Variants in PARD3B observed in about 807,000 individuals in gnomAD.
PARD3B encodes the protein par-3 family cell polarity regulator beta, also known as partitioning defective 3 homolog B.
Under a neutral mutation model 130.2 loss-of-function variants are expected in PARD3B, and 103 were observed. The ratio of observed to expected loss-of-function variants is 0.79; its 90% CI spans 0.67 to 0.93. The LOEUF is 0.93. Ranked by LOEUF, PARD3B falls within the 40% of genes least tolerant of loss-of-function variation. PARD3B has a pLI of 0.00. For missense variants in PARD3B, 1,609 were observed against 1,499.2 expected (o/e 1.07, Z -1.21); for synonymous variants, 583 against 553.2 (o/e 1.05, Z -0.76).
intron 2 of PARD3B, among the ~76,000 whole-genome samples, chr2:204,852,173 T>TGC (rs111941971): frequency 1.3e-5 from 2 of 149,992 alleles, no homozygotes; most frequent in Non-Finnish European, 3.0e-5. Context: ...TGCCACAAGT[T>TGC]TTTTTTTTTT....
intron 20 of PARD3B, among the ~76,000 whole-genome samples, chr2:205,465,390 G>T (rs1249466958): frequency 6.6e-6 from 1 of 152,134 alleles, no homozygotes; most frequent in Non-Finnish European, 1.5e-5. Flanking sequence ...GGTGAGCCAG[G>T]ATTTGTACGC....
chr2:205,335,628 T>TA (rs2043284654), intron 18 of PARD3B, among the ~76,000 whole-genome samples: 2 of 129,842 alleles, frequency 1.5e-5, no homozygotes, highest in Admixed American at 1.9e-4. Context: ...GATAAAGACA[T>TA]ACACAAGACT....
intron 22 of PARD3B, among the ~76,000 whole-genome samples, chr2:205,555,694 G>T (rs13388092): frequency 2.0e-5 from 3 of 152,130 alleles, no homozygotes; most frequent in Non-Finnish European, 2.9e-5. Context: ...ACTCACCCAC[G>T]TACACAATGG....
At chr2:205,509,643 G>A (rs2050515326) in intron 21 of PARD3B, among the ~76,000 whole-genome samples, 1 of 152,198 alleles carries the variant, frequency 6.6e-6, no homozygotes, top group Admixed American at 6.5e-5. Context: ...AACAGGAGAG[G>A]GGCTAATGGA....
At chr2:205,513,149 C>G (rs540155900) in intron 21 of PARD3B, among the ~76,000 whole-genome samples, 1 of 151,950 alleles carries the variant, frequency 6.6e-6, no homozygotes, top group Non-Finnish European at 1.5e-5. Context: ...AGGAGGAAAT[C>G]GTGCTCTCAC....
intron 2 of PARD3B, among the ~76,000 whole-genome samples, chr2:204,709,444 C>T (rs1314555720): frequency 1.3e-5 from 2 of 152,178 alleles, no homozygotes; most frequent in African/African-American, 4.8e-5. Flanking sequence ...AAGAACCAGC[C>T]TTAAGAACTT....
At chr2:204,614,966 G>A (rs183721436) in intron 1 of PARD3B, among the ~76,000 whole-genome samples, 41 of 152,118 alleles carry the variant, frequency 2.7e-4, no homozygotes, top group Non-Finnish European at 1.0e-4. Flanking sequence ...CCTAATACAC[G>A]CAAATTACTC....
At chr2:205,252,682 G>A (rs1206883078) in intron 16 of PARD3B, among the ~76,000 whole-genome samples, 2 of 152,222 alleles carry the variant, frequency 1.3e-5, no homozygotes, top group African/African-American at 4.8e-5. Flanking sequence ...AAGATACCAA[G>A]TTAAGCCAAG....
Position 205,592,604 on chromosome 2 carries a change from A to G in PARD3B, c.3261-22852A>G, listed in dbSNP as rs962966087. Among the ~76,000 whole-genome samples the G allele has an allele frequency of 1.3e-5, 2 of 152,234 alleles. No individual in the cohort carries two copies. The highest frequency in any genetic ancestry group is 2.9e-5 in the Non-Finnish European group (2 of 68,042). On this transcript the variant is annotated intron_variant, in intron 22 of 22. Coordinates refer to ENST00000406610, the MANE Select transcript of PARD3B (RefSeq NM_001302769.2). The surrounding 1 kb of genome is among the most constrained non-coding windows in gnomAD (Gnocchi z 4.5). ...ATTCCATAGAGGCAGAATGTTTCCC[A>G]TACAACTATAATGCCTGCGTTATAT...
chr2:204,873,482 C>T (rs147120518), intron 2 of PARD3B, among the ~76,000 whole-genome samples: 1 of 152,204 alleles, frequency 6.6e-6, no homozygotes, highest in East Asian at 1.9e-4. Context: ...CACCCATCCG[C>T]AGGACTTTCC....
At chr2:205,472,268 T>TTC (rs1486799206) in intron 20 of PARD3B, among the ~76,000 whole-genome samples, 1 of 152,032 alleles carries the variant, frequency 6.6e-6, no homozygotes, top group Non-Finnish European at 1.5e-5. Context: ...CACTCTCCCT[T>TTC]TCTCTCTCTC....
In PARD3B at chr2:205,475,232, A is replaced by G. The variant is rs1438580210; in HGVS notation, c.3045-24664A>G. On this transcript the variant is annotated intron_variant, in intron 20 of 22. Transcript: ENST00000406610. ...AATAAGAGCCTCACAGTAGATTGTG[A>G]AAGAAATGTCACATCAGAATCTGGA... 2.6e-5 allele frequency among the ~76,000 whole-genome samples: 4 copies of G among 152,158 alleles called. No individual in the cohort carries two copies. The South Asian group carries it at 8.3e-4, about 31-fold the overall frequency.
chr2:204,829,810 T>G (rs922378282), intron 2 of PARD3B, among the ~76,000 whole-genome samples: 18 of 151,854 alleles, frequency 1.2e-4, no homozygotes, highest in Non-Finnish European at 2.5e-4. Flanking sequence ...CCATCCTGGC[T>G]AACACGGTGA....
intron 1 of PARD3B, among the ~76,000 whole-genome samples, chr2:204,671,661 C>A (rs10174664): frequency 0.034 from 5,111 of 152,100 alleles, 276 homozygotes; most frequent in African/African-American, 0.12. Flanking sequence ...TTCTTAATTT[C>A]CTTGTTTGGG....
chr2:205,552,000 G>GAATC (rs1258453909), intron 21 of PARD3B, among the ~76,000 whole-genome samples: 2 of 152,180 alleles, frequency 1.3e-5, no homozygotes, highest in Non-Finnish European at 2.9e-5. Flanking sequence ...AACAGGTGGG[G>GAATC]AATCAATCAG....
intron 4 of PARD3B, among the ~76,000 whole-genome samples, chr2:205,056,797 A>T (rs7604031): frequency 0.24 from 36,424 of 151,618 alleles, 4,947 homozygotes; most frequent in South Asian, 0.49. Context: ...AAAGCAACAG[A>T]AGTCAAAATT....
chr2:205,068,709 C>T (rs1322293728), intron 4 of PARD3B, among the ~76,000 whole-genome samples: 6 of 152,184 alleles, frequency 3.9e-5, no homozygotes, highest in African/African-American at 1.2e-4. Context: ...TAGCTGCATC[C>T]GCTAATTTTT....
intron 2 of PARD3B, among the ~76,000 whole-genome samples, chr2:204,731,791 A>G (rs894233098): frequency 1.3e-5 from 2 of 152,156 alleles, no homozygotes; most frequent in African/African-American, 4.8e-5. Flanking sequence ...GGAAAGTTAC[A>G]TTGGTTTTTT....
At chr2:204,928,094 G>A (rs1291686030) in intron 2 of PARD3B, among the ~76,000 whole-genome samples, 3 of 152,100 alleles carry the variant, frequency 2.0e-5, no homozygotes, top group Non-Finnish European at 4.4e-5. Context: ...GTAGTTTTAG[G>A]TCAATTAGGC....
Sources: gnomAD v4.1 joint callset for allele counts (sites outside exome capture counted in the v4.1 genomes callset) on GRCh38, gnomAD v4.1.1 for gene constraint, Gnocchi (gnomAD v3.1) non-coding constraint, MANE v1.5 for transcripts, NCBI Gene and HGNC (gene_info 2026-07-23, HGNC 2026-07-21) for gene names.